Variants in FBRS observed in about 807,000 individuals in gnomAD.
The protein encoded by FBRS is fibrosin.
Under a neutral mutation model 86.1 loss-of-function variants are expected in FBRS, and 15 were observed. The observed-to-expected ratio is 0.17, with a 90% CI of 0.12 to 0.27. The LOEUF (loss-of-function observed/expected upper bound fraction) is 0.27, where lower values mean the gene tolerates loss of function less well. FBRS is among the 10% of genes least tolerant of loss of function. The pLI is 1.00. For synonymous variants in FBRS, 666 were observed against 575.8 expected (o/e 1.16, Z -2.24); for missense variants, 1,367 against 1,301.6 (o/e 1.05, Z -0.77).
intron 2 of FBRS, among the ~76,000 whole-genome samples, chr16:30,660,841 T>G (rs1257576966): frequency 6.6e-6 from 1 of 152,146 alleles, no homozygotes; most frequent in Non-Finnish European, 1.5e-5. Context: ...GAAACCCACA[T>G]GAGGAAGCCG....
Position 30,670,065 on chromosome 16 carries a change from C to T in FBRS, c.*420C>T, listed in dbSNP as rs2052578193. 4.1e-6 allele frequency: 2 copies of T among 489,400 alleles called. No individual in the cohort carries two copies. The highest frequency in any genetic ancestry group is 2.3e-5 in the Admixed American group (1 of 43,366). 30.3% of individuals were successfully genotyped at this position (489,400 alleles called of 1,614,324 possible). A position where few individuals can be genotyped will look rare whatever the true frequency, so the allele number is the denominator to read the frequency against. Reference sequence around the variant, plus strand: ...TCCGAGGGCTGGGGGAGGAGGGGCTCAAGGAAGGGGGGTTCCATGTACATA... The same window carrying T: ...TCCGAGGGCTGGGGGAGGAGGGGCTTAAGGAAGGGGGGTTCCATGTACATA... On this transcript the variant is annotated 3_prime_UTR_variant, in exon 18 of 18. Transcript: ENST00000356166.
intron 4 of FBRS, among the ~76,000 whole-genome samples, chr16:30,661,680 A>C (rs551893232): frequency 6.6e-6 from 1 of 152,182 alleles, no homozygotes; most frequent in Admixed American, 6.5e-5. Context: ...TCTAGATTCA[A>C]GTCTGAGCAG....
chr16:30,668,524 GC>G, intron 15 of FBRS, 35 bp from the exon 16 acceptor site: 1 of 1,579,454 alleles, frequency 6.3e-7, no homozygotes, highest in African/African-American at 1.3e-5. Flanking sequence ...AGCACCGGCT[GC>G]CCAGTGCTCT....
At chr16:30,661,443 C>G in intron 4 of FBRS, 110 bp downstream of exon 4, 1 of 1,536,432 alleles carries the variant, frequency 6.5e-7, no homozygotes, top group Non-Finnish European at 8.8e-7. Context: ...AGAAACATGG[C>G]TTAGGTTGAG....
In FBRS at chr16:30,665,048, C is replaced by T. The variant is rs759702709; in HGVS notation, c.1577C>T (p.Pro526Leu). Residue 526 changes from proline to leucine, a missense_variant, in exon 9 of 18, where the codon CCA becomes CTA. Around this residue, in one of 3 missense-constraint regions of FBRS, gnomAD observed 659 missense variants for 678.8 expected, o/e 0.97. Coordinates refer to ENST00000356166, the MANE Select transcript of FBRS (RefSeq NM_001105079.3). The surrounding 1 kb of genome is among the most constrained non-coding windows in gnomAD (Gnocchi z 4.1). ...TCTCTTCCCTAGTTTGAGAAATATC[C>T]AGGAAAGATGGAAGGCCTTTTCCGA... ...PHGPHMFEKY[P>L]GKMEGLFRHN... The T allele has an allele frequency of 2.5e-6, 4 of 1,613,558 alleles. No homozygotes were observed. Among genetic ancestry groups the T allele is most frequent in the Non-Finnish European group, 3.4e-6 (4 of 1,179,770 alleles).
chr16:30,664,184 C>T (rs1567545193), intron 6 of FBRS, 31 bp from the exon 7 acceptor site: 10 of 1,321,720 alleles, frequency 7.6e-6, no homozygotes, highest in Admixed American at 6.5e-5. Context: ...ACCTCCCAAC[C>T]CCTCACTCAT....
Position 30,660,347 on chromosome 16 carries a change from G to T in FBRS, c.544G>T (p.Ala182Ser). The stretch of plus-strand genomic sequence containing the variant: ...GCGGAAAAGGGGGGGCTCCAGTGGG[G>T]CCACCGGGGAGCCAGGGGACAGCTC... ...GKRKRGGSSGATGEPGDSSDR... is the reference protein window; with the variant it reads ...GKRKRGGSSGSTGEPGDSSDR... The change falls in exon 2 of 18, where the codon GCC becomes TCC. Residue 182 changes from alanine (A) to serine (S), a missense_variant. Ala to Ser is a moderately conservative substitution (Grantham distance 99, BLOSUM62 1). Transcript: ENST00000356166. 7.7e-7 allele frequency: 1 copy of T among 1,292,182 alleles called. No individual in the cohort carries two copies. Among genetic ancestry groups the T allele is most frequent in the Non-Finnish European group, 9.9e-7 (1 of 1,010,758 alleles). The allele number at this position is 1,292,182 out of a possible 1,614,324, so 80.0% of individuals were successfully genotyped here. A position where few individuals can be genotyped will look rare whatever the true frequency, so the allele number is the denominator to read the frequency against.
At chr16:30,660,163 G>C (rs1444934116) in intron 1 of FBRS, 100 bp from the exon 2 acceptor site, 1 of 1,410,934 alleles carries the variant, frequency 7.1e-7, no homozygotes, top group African/African-American at 1.5e-5. Context: ...TGGGGACCCG[G>C]TTTCCCGGCC....
rs751343122 is a variant in FBRS at position 30,667,365 on chromosome 16, C to T, written c.1921C>T (p.Leu641Phe). ...LDFRNDLLPC[L>F]PGPYGALPPG... Reference sequence around the variant, plus strand: ...CTTTCGGAATGACCTCCTGCCCTGCCTTCCGGGGCCCTATGGGGCCCTGCC... The same window carrying T: ...CTTTCGGAATGACCTCCTGCCCTGCTTTCCGGGGCCCTATGGGGCCCTGCC... Residue 641 changes from leucine to phenylalanine, a missense_variant, in exon 14 of 18, where the codon CTT becomes TTT. Leu to Phe is a conservative substitution (Grantham distance 22, BLOSUM62 0). Around this residue, in one of 3 missense-constraint regions of FBRS, gnomAD observed 659 missense variants for 678.8 expected, o/e 0.97. Coordinates refer to ENST00000356166, the MANE Select transcript of FBRS (RefSeq NM_001105079.3). The T allele has an allele frequency of 1.3e-6, 2 of 1,553,936 alleles. No homozygotes were observed. The highest frequency in any genetic ancestry group is 2.7e-5 in the African/African-American group (2 of 73,158).
At position 30,668,856 on chromosome 16, in the gene FBRS, A is replaced by G; in HGVS notation, c.2243A>G (p.His748Arg). ...CCACCGGACCCATGGGGCCGCCTGC[A>G]CCGCAGTCCTCTGACCTTTCCTGCC... ...ASPPDPWGRL[H>R]RSPLTFPAWV... Residue 748 changes from histidine to arginine, a missense_variant, in exon 17 of 18, where the codon CAC becomes CGC. By Grantham distance (29) the His-to-Arg change is conservative. Around this residue, in one of 3 missense-constraint regions of FBRS, gnomAD observed 659 missense variants for 678.8 expected, o/e 0.97. Transcript: ENST00000356166. 1 of 1,591,004 alleles carries G rather than the reference A, an allele frequency of 6.3e-7. No homozygotes were observed. Among genetic ancestry groups the G allele is most frequent in the South Asian group, 1.1e-5 (1 of 88,996 alleles).
At position 30,669,578 on chromosome 16, in the gene FBRS, C is replaced by T. The variant is rs997922938; in HGVS notation, c.2876C>T (p.Pro959Leu). ...PPGALLGAPP[P>L]LVPAPRPSSP... ...GGAGCCCTTTTGGGGGCACCACCTC[C>T]GCTTGTGCCCGCCCCCCGGCCCAGT... Residue 959 changes from proline to leucine, a missense_variant, in exon 18 of 18, where the codon CCG becomes CTG. Physicochemically the swap from Pro to Leu is moderately conservative, Grantham distance 98. Coordinates refer to ENST00000356166, the MANE Select transcript of FBRS (RefSeq NM_001105079.3). The surrounding 1 kb of genome is among the most constrained non-coding windows in gnomAD (Gnocchi z 5.9). The T allele has an allele frequency of 5.6e-6, 9 of 1,611,928 alleles. No individual in the cohort carries two copies. The highest frequency in any genetic ancestry group is 2.2e-5 in the East Asian group (1 of 44,892).
Position 30,664,319 on chromosome 16 carries a change from C to T in FBRS, c.1160C>T (p.Ala387Val), listed in dbSNP as rs753811695. The T allele has an allele frequency of 1.6e-5, 25 of 1,543,718 alleles. No individual in the cohort carries two copies. The highest frequency in any genetic ancestry group is 3.6e-5 in the South Asian group (3 of 83,506). The stretch of plus-strand genomic sequence containing the variant: ...TCCTCATCTGCCTCCTCCTCGTCCG[C>T]GCAGCTCACCCACCGGCCCCCGACG... Reference protein sequence around the residue: ...SSSSSASSSSAQLTHRPPTPS... With the variant: ...SSSSSASSSSVQLTHRPPTPS... Residue 387 changes from alanine (A) to valine (V), a missense_variant, in exon 7 of 18, where the codon GCG (alanine) becomes GTG (valine). Ala to Val is a moderately conservative substitution (Grantham distance 64). Transcript: ENST00000356166.
intron 4 of FBRS, 70 bp downstream of exon 4, chr16:30,661,403 T>C: frequency 1.3e-6 from 2 of 1,550,390 alleles, no homozygotes; most frequent in Non-Finnish European, 1.7e-6. Context: ...AAAGGTCTTC[T>C]GCGTGCAGCA....
At chr16:30,663,381 T>C (rs903250946) in intron 6 of FBRS, among the ~76,000 whole-genome samples, 2 of 152,196 alleles carry the variant, frequency 1.3e-5, no homozygotes, top group African/African-American at 2.4e-5. Context: ...GTCAGTGATA[T>C]ATGGGATGAT....
At position 30,660,325 on chromosome 16, in the gene FBRS, G is replaced by A; in HGVS notation, c.522G>A (p.Arg174=). The A allele has an allele frequency of 7.7e-7, 1 of 1,302,594 alleles. No homozygotes were observed. The highest frequency in any genetic ancestry group is 9.8e-7 in the Non-Finnish European group (1 of 1,016,492). 80.7% of individuals were successfully genotyped at this position (1,302,594 alleles called of 1,614,324 possible). Residue 174 remains arginine, a synonymous_variant, in exon 2 of 18, where the codon CGG becomes CGA. Coordinates refer to ENST00000356166, the MANE Select transcript of FBRS (RefSeq NM_001105079.3). The stretch of plus-strand genomic sequence containing the variant: ...ATCGGCTGAAGCATTCTGGGAAGCG[G>A]AAAAGGGGGGGCTCCAGTGGGGCCA... ...LEHRLKHSGK[R]KRGGSSGATG... is the part of the protein sequence containing the mutation.
rs1259905794 is a variant in FBRS at position 30,659,346 on chromosome 16, T to A, written c.-173T>A. ...TTGTCGCCCCGGGGGCGGCGCCGGC[T>A]CCCCGGGCCGTGGCCTTGGGGCAAG... On this transcript the variant is annotated 5_prime_UTR_variant, in exon 1 of 18. Coordinates refer to ENST00000356166, the MANE Select transcript of FBRS (RefSeq NM_001105079.3). 5.1e-6 allele frequency: 1 copy of A among 194,586 alleles called. No individual in the cohort carries two copies. Among genetic ancestry groups the A allele is most frequent in the Non-Finnish European group, 1.0e-5 (1 of 96,864 alleles). 12.1% of individuals were successfully genotyped at this position (194,586 alleles called of 1,614,324 possible).
At chr16:30,663,420 A>C (rs1339494037) in intron 6 of FBRS, among the ~76,000 whole-genome samples, 1 of 152,204 alleles carries the variant, frequency 6.6e-6, no homozygotes, top group East Asian at 1.9e-4. Flanking sequence ...AAACTTTAAA[A>C]AATAGTCCTG....
Position 30,669,681 on chromosome 16 carries a change from C to T in FBRS, c.*36C>T, listed in dbSNP as rs1228275640. 1 of 1,548,350 alleles carries T rather than the reference C, an allele frequency of 6.5e-7. No homozygotes were observed. Among genetic ancestry groups the T allele is most frequent in the Non-Finnish European group, 8.7e-7 (1 of 1,155,410 alleles). On this transcript the variant is annotated 3_prime_UTR_variant, in exon 18 of 18. Coordinates refer to ENST00000356166, the MANE Select transcript of FBRS (RefSeq NM_001105079.3). The surrounding 1 kb of genome is among the most constrained non-coding windows in gnomAD (Gnocchi z 5.9). The stretch of plus-strand genomic sequence containing the variant: ...GGGGGGTCGGGGCAAAGCTCCATCT[C>T]CCCTTCCTTTAACCAGGTCCTAGGG...
Position 30,667,566 on chromosome 16 carries a change from C to T in FBRS, c.2018C>T (p.Pro673Leu), listed in dbSNP as rs2052538428. The change falls in exon 15 of 18, where the codon CCT (proline) becomes CTT (leucine). Residue 673 changes from proline to leucine, a missense_variant. Around this residue, in one of 3 missense-constraint regions of FBRS, gnomAD observed 659 missense variants for 678.8 expected, o/e 0.97. Coordinates refer to ENST00000356166, the MANE Select transcript of FBRS (RefSeq NM_001105079.3). ...ATGAVHAAAN[P>L]FTAAPGAHGP... ...GGTGCCGTCCACGCTGCAGCCAACC[C>T]TTTCACGGCAGCTCCCGGGGCCCAC... The T allele has an allele frequency of 2.6e-6, 4 of 1,543,454 alleles. No individual in the cohort carries two copies. Among genetic ancestry groups the T allele is most frequent in the Non-Finnish European group, 2.6e-6 (3 of 1,143,148 alleles).
Sources: allele counts gnomAD v4.1 joint callset (sites outside exome capture counted in the v4.1 genomes callset), GRCh38; gene constraint gnomAD v4.1.1; regional missense constraint gnomAD v4.1.1; non-coding constraint Gnocchi (gnomAD v3.1); transcripts MANE v1.5; gene names NCBI Gene and HGNC (gene_info 2026-07-23, HGNC 2026-07-21).